ETV6: variants seen among roughly 807,000 people sequenced by gnomAD.
ETV6 encodes ETS variant transcription factor 6.
A neutral mutation model predicts 51.1 loss-of-function variants in ETV6; 16 were observed. That is an observed-to-expected ratio of 0.31 (90% CI 0.21 to 0.48). ETV6 has a LOEUF of 0.48. Ranked by LOEUF, ETV6 falls within the 20% of genes least tolerant of loss-of-function variation. ETV6 has a pLI of 0.99. For synonymous variants in ETV6, 240 were observed against 224.1 expected (o/e 1.07, Z -0.64); for missense variants, 458 against 594.8 (o/e 0.77, Z 2.39).
chr12:11,853,173 C>G (rs772604757), intron 3 of ETV6, among the ~76,000 whole-genome samples: 1 of 152,150 alleles, frequency 6.6e-6, no homozygotes, highest in Non-Finnish European at 1.5e-5. Flanking sequence ...GGCAACGGAG[C>G]GCAACCCTGT....
At chr12:11,667,188 G>C (rs1454897986) in intron 1 of ETV6, among the ~76,000 whole-genome samples, 1 of 152,240 alleles carries the variant, frequency 6.6e-6, no homozygotes, top group East Asian at 1.9e-4. Context: ...GCCTGGCACA[G>C]AGGAAGGCCG....
chr12:11,804,010 A>C (rs77066080), intron 2 of ETV6, among the ~76,000 whole-genome samples: 1 of 152,300 alleles, frequency 6.6e-6, no homozygotes, highest in East Asian at 1.9e-4. Flanking sequence ...TTGAAAGCCT[A>C]CTTAGGGTAA....
chr12:11,867,974 T>C (rs1186597713), intron 4 of ETV6, among the ~76,000 whole-genome samples: 1 of 152,190 alleles, frequency 6.6e-6, no homozygotes, highest in Non-Finnish European at 1.5e-5. Context: ...TCAGAGCTAC[T>C]TCTCTTGCTG....
At chr12:11,748,865 A>G (rs1865956359) in intron 1 of ETV6, among the ~76,000 whole-genome samples, 1 of 152,124 alleles carries the variant, frequency 6.6e-6, no homozygotes, top group Admixed American at 6.5e-5. Context: ...CTTTCAAGAG[A>G]CAACCCTACT....
chr12:11,885,794 C>G (rs2136601669), intron 6 of ETV6, 132 bp from the exon 7 acceptor site: 1 of 633,362 alleles, frequency 1.6e-6, no homozygotes, highest in East Asian at 2.8e-5. Flanking sequence ...TAGCAGGTAG[C>G]TTCCCAAACT....
At chr12:11,674,655 G>A (rs1244294246) in intron 1 of ETV6, among the ~76,000 whole-genome samples, 1 of 142,470 alleles carries the variant, frequency 7.0e-6, no homozygotes, top group African/African-American at 2.6e-5. Flanking sequence ...GTGTGTGTGT[G>A]TGTGTGTTTG....
rs528515028 is a variant in ETV6, at chr12:11,894,612, G to A, written c.*3566G>A. ...GATCTCTTGTCCAAATGAGAATGTC[G>A]CTTTAGCTGAAATTCAAATGGCTGT... On this transcript the variant is annotated 3_prime_UTR_variant, in exon 8 of 8. Coordinates refer to ENST00000396373, the MANE Select transcript of ETV6 (RefSeq NM_001987.5). 1.6e-4 allele frequency: 38 copies of A among 233,210 alleles called. No homozygotes were observed. The highest frequency in any genetic ancestry group is 6.0e-5 in the East Asian group (1 of 16,580). 14.4% of individuals were successfully genotyped at this position (233,210 alleles called of 1,614,324 possible).
rs139372106 is a variant in ETV6 at position 11,714,850 on chromosome 12, G to T, written c.34-37600G>T. Among the ~76,000 whole-genome samples, 19 of 152,164 alleles carry T rather than the reference G, an allele frequency of 1.2e-4. 1 individual carries two copies. The East Asian group carries it at 3.3e-3, about 26-fold the overall frequency. ...TGGGGAGGCATGCTTGTGTGCTTTGGCAATCACAAAGACGGTTAGAAGGCA... is the reference window on the plus strand; with the variant it reads ...TGGGGAGGCATGCTTGTGTGCTTTGTCAATCACAAAGACGGTTAGAAGGCA... On this transcript the variant is annotated intron_variant, in intron 1 of 7. Coordinates refer to ENST00000396373, the MANE Select transcript of ETV6 (RefSeq NM_001987.5).
chr12:11,708,038 C>G (rs1865105018), intron 1 of ETV6, among the ~76,000 whole-genome samples: 2 of 152,116 alleles, frequency 1.3e-5, no homozygotes, highest in Admixed American at 6.5e-5. Context: ...TTAAGTTATT[C>G]TGTTATAATT....
chr12:11,852,287 C>T (rs1033390967), intron 3 of ETV6, among the ~76,000 whole-genome samples: 1 of 152,220 alleles, frequency 6.6e-6, no homozygotes, highest in Non-Finnish European at 1.5e-5. Flanking sequence ...CTGCTCAACC[C>T]AGCCCCTGCC....
chr12:11,878,031 C>T (rs1591743760), intron 5 of ETV6, among the ~76,000 whole-genome samples: 1 of 152,156 alleles, frequency 6.6e-6, no homozygotes, highest in East Asian at 1.9e-4. Flanking sequence ...GTGTGGGGTG[C>T]CCTTCAAGGC....
intron 5 of ETV6, among the ~76,000 whole-genome samples, chr12:11,880,225 A>C (rs901864107): frequency 6.6e-6 from 1 of 152,202 alleles, no homozygotes; most frequent in Non-Finnish European, 1.5e-5. Context: ...CTAATTCAAT[A>C]TGTCCTGAAT....
rs1417680842 is a variant in ETV6 at position 11,840,424 on chromosome 12, G to GTAC, written c.328+1122_328+1124dup. ...GCCTCTTGCGGGATTAATTACTGAA[G>GTAC]TACTCAAGGCCCTCCTTTTACTGAA... On this transcript the variant is annotated intron_variant, in intron 3 of 7. Coordinates refer to ENST00000396373, the MANE Select transcript of ETV6 (RefSeq NM_001987.5). The GTAC allele has an allele frequency of 1.1e-5, 5 of 456,052 alleles. 1 individual carries two copies. In the East Asian group the frequency reaches 3.5e-4, roughly 32 times the overall value. The allele number at this position is 456,052 out of a possible 1,614,324, so 28.3% of individuals were successfully genotyped here. A position where few individuals can be genotyped will look rare whatever the true frequency, so the allele number is the denominator to read the frequency against.
intron 1 of ETV6, among the ~76,000 whole-genome samples, chr12:11,680,702 G>A (rs1864510924): frequency 6.6e-6 from 1 of 152,186 alleles, no homozygotes. Context: ...ATTTTCCCCA[G>A]GCGTTGGTGA....
chr12:11,720,958 CAAG>C (rs1865373240), intron 1 of ETV6, among the ~76,000 whole-genome samples: 1 of 152,012 alleles, frequency 6.6e-6, no homozygotes, highest in Non-Finnish European at 1.5e-5. Context: ...AGCCAACAAA[CAAG>C]AAAAAATGCT....
rs12322566 is a variant in ETV6, at chr12:11,782,888, G to C, written c.163+30309G>C. ...TATGTATTATAAGTATACATCTATT[G>C]ACTGGCTAAAGAAGAAAAGATGACT... On this transcript the variant is annotated intron_variant, in intron 2 of 7. Coordinates refer to ENST00000396373, the MANE Select transcript of ETV6 (RefSeq NM_001987.5). Among the ~76,000 whole-genome samples the C allele has an allele frequency of 3.8e-3, 572 of 152,298 alleles. 2 individuals are homozygous for C. Among genetic ancestry groups the C allele is most frequent in the African/African-American group, 0.013 (552 of 41,544 alleles).
chr12:11,842,037 C>G (rs1462663305), intron 3 of ETV6, among the ~76,000 whole-genome samples: 9 of 149,570 alleles, frequency 6.0e-5, no homozygotes, highest in South Asian at 2.1e-4. Flanking sequence ...AGCCGAGATC[C>G]CGCCACTGCA....
At chr12:11,827,396 TCTC>T (rs1422638245) in intron 2 of ETV6, among the ~76,000 whole-genome samples, 1 of 151,966 alleles carries the variant, frequency 6.6e-6, no homozygotes, top group Non-Finnish European at 1.5e-5. Flanking sequence ...GCAGTGGAAT[TCTC>T]CTTAAAAAAC....
At chr12:11,717,979 G>A (rs1236948630) in intron 1 of ETV6, among the ~76,000 whole-genome samples, 2 of 151,806 alleles carry the variant, frequency 1.3e-5, no homozygotes, top group Non-Finnish European at 2.9e-5. Context: ...AATTTCTTTT[G>A]AGCTGAAAAG....
Sources: gnomAD v4.1 joint callset for allele counts (sites outside exome capture counted in the v4.1 genomes callset) on GRCh38, gnomAD v4.1.1 for gene constraint, MANE v1.5 for transcripts, NCBI Gene and HGNC (gene_info 2026-07-23, HGNC 2026-07-21) for gene names.